PDSS2: variants seen among roughly 807,000 people sequenced by gnomAD.
PDSS2 encodes the protein all trans-polyprenyl-diphosphate synthase PDSS2.
PDSS2 carries 31 observed loss-of-function variants against 44.5 expected under a neutral mutation model. The ratio of observed to expected loss-of-function variants is 0.70; its 90% confidence interval spans 0.52 to 0.94. PDSS2 has a LOEUF of 0.94. PDSS2 is among the 40% of genes least tolerant of loss of function. The pLI, the probability that PDSS2 is intolerant of heterozygous loss-of-function variation, is 0.00. For synonymous variants in PDSS2, 157 were observed against 180.3 expected (o/e 0.87, Z 1.03); for missense variants, 452 against 482.2 (o/e 0.94, Z 0.59).
chr6:107,239,497 A>G (rs1774341892), intron 4 of PDSS2, among the ~76,000 whole-genome samples: 1 of 152,148 alleles, frequency 6.6e-6, no homozygotes, highest in Non-Finnish European at 1.5e-5. Flanking sequence ...TGGGAGAAAT[A>G]CAGAATAAAA....
At chr6:107,372,250 T>C (rs1484710169) in intron 1 of PDSS2, among the ~76,000 whole-genome samples, 2 of 152,128 alleles carry the variant, frequency 1.3e-5, no homozygotes, top group Non-Finnish European at 2.9e-5. Flanking sequence ...ACCCTGGTTT[T>C]TGGTTTCTCT....
At chr6:107,390,200 C>G (rs1173692062) in intron 1 of PDSS2, among the ~76,000 whole-genome samples, 3 of 152,104 alleles carry the variant, frequency 2.0e-5, no homozygotes, top group Non-Finnish European at 2.9e-5. Flanking sequence ...TTCCAAAGAA[C>G]AGAGGATGAG....
At chr6:107,255,949 C>G (rs1775004517) in intron 3 of PDSS2, among the ~76,000 whole-genome samples, 1 of 152,172 alleles carries the variant, frequency 6.6e-6, no homozygotes, top group African/African-American at 2.4e-5. Flanking sequence ...GCATTTCAAT[C>G]TTGTAGGCTT....
intron 3 of PDSS2, among the ~76,000 whole-genome samples, chr6:107,250,556 TG>T (rs956750997): frequency 2.9e-4 from 44 of 151,756 alleles, no homozygotes; most frequent in East Asian, 1.5e-3. Context: ...GGGAGGGTGT[TG>T]GGGGGGGAAG....
chr6:107,455,754 CAAAAAAAAAAA>C (rs60783838), intron 1 of PDSS2, among the ~76,000 whole-genome samples: 13 of 55,684 alleles, frequency 2.3e-4, no homozygotes, highest in South Asian at 2.3e-3. Flanking sequence ...GACTCTGTCT[CAAAAAAAAAAA>C]AAAAAAAAAA....
chr6:107,170,883 G>A (rs1771549915), intron 7 of PDSS2, among the ~76,000 whole-genome samples: 2 of 151,978 alleles, frequency 1.3e-5, no homozygotes, highest in African/African-American at 2.4e-5. Flanking sequence ...AAAGTGCTGG[G>A]ATTACAGGCA....
intron 1 of PDSS2, among the ~76,000 whole-genome samples, chr6:107,397,799 T>C (rs1198384681): frequency 1.3e-5 from 2 of 152,258 alleles, no homozygotes; most frequent in Admixed American, 6.5e-5. Context: ...TCAGCCACTA[T>C]AAACTTGACA....
intron 1 of PDSS2, among the ~76,000 whole-genome samples, chr6:107,371,242 T>C (rs1417741266): frequency 1.3e-5 from 2 of 152,042 alleles, no homozygotes; most frequent in Non-Finnish European, 2.9e-5. Context: ...GAGCTATTAC[T>C]GTAAAACATC....
At chr6:107,426,076 A>G (rs1183043580) in intron 1 of PDSS2, among the ~76,000 whole-genome samples, 1 of 152,176 alleles carries the variant, frequency 6.6e-6, no homozygotes, top group African/African-American at 2.4e-5. Context: ...AAATGTCTCC[A>G]GGACATGTCA....
chr6:107,384,647 C>CAAAAAAAA (rs199758672), intron 1 of PDSS2, among the ~76,000 whole-genome samples: 1 of 125,692 alleles, frequency 8.0e-6, no homozygotes, highest in African/African-American at 2.9e-5. Context: ...GTCTCAAAAC[C>CAAAAAAAA]AAAAAAAAAC....
intron 1 of PDSS2, among the ~76,000 whole-genome samples, chr6:107,367,784 T>C (rs1347767662): frequency 1.9e-5 from 2 of 103,902 alleles, no homozygotes; most frequent in African/African-American, 7.9e-5. Flanking sequence ...GCCTGGGCAA[T>C]AGAGTGGAAC....
At chr6:107,208,285 CTTTTT>C (rs1164014672) in intron 6 of PDSS2, among the ~76,000 whole-genome samples, 27 of 53,300 alleles carry the variant, frequency 5.1e-4, no homozygotes, top group East Asian at 5.0e-3. Context: ...CATGCCTGGC[CTTTTT>C]TTTTTTTTTT....
chr6:107,411,879 C>CTTTTTT (rs145161415), intron 1 of PDSS2, among the ~76,000 whole-genome samples: 18 of 93,848 alleles, frequency 1.9e-4, no homozygotes, highest in South Asian at 3.8e-4. Context: ...TCTTCTTCTT[C>CTTTTTT]TTTTTTTTTT....
chr6:107,341,299 T>A (rs1437838379), intron 1 of PDSS2, among the ~76,000 whole-genome samples: 1 of 152,110 alleles, frequency 6.6e-6, no homozygotes, highest in Non-Finnish European at 1.5e-5. Flanking sequence ...GAATGTAAGA[T>A]TCCAACCTGT....
At chr6:107,213,346 C>T (rs1773294523) in intron 4 of PDSS2, among the ~76,000 whole-genome samples, 1 of 150,704 alleles carries the variant, frequency 6.6e-6, no homozygotes. Context: ...GATGGGGTTT[C>T]ACCATGTTGG....
intron 1 of PDSS2, among the ~76,000 whole-genome samples, chr6:107,451,993 T>C (rs1781881817): frequency 6.6e-6 from 1 of 152,158 alleles, no homozygotes; most frequent in Non-Finnish European, 1.5e-5. Flanking sequence ...TTATAGGTTT[T>C]TCTTTTAGCC....
chr6:107,245,310 C>A (rs1450911414), intron 4 of PDSS2, among the ~76,000 whole-genome samples: 2 of 148,340 alleles, frequency 1.3e-5, no homozygotes, highest in African/African-American at 5.0e-5. Flanking sequence ...TGAGCTGCTG[C>A]AGATTGAACA....
At chr6:107,458,431 A>AAAAAAAAAAAAAAC in intron 1 of PDSS2, among the ~76,000 whole-genome samples, 1 of 147,254 alleles carries the variant, frequency 6.8e-6, no homozygotes, top group Admixed American at 6.9e-5. Flanking sequence ...AAAAAAAAAA[A>AAAAAAAAAAAAAAC]ACTTTTATAA....
intron 3 of PDSS2, among the ~76,000 whole-genome samples, chr6:107,272,747 T>C (rs909132764): frequency 8.6e-5 from 13 of 150,866 alleles, no homozygotes; most frequent in Admixed American, 5.3e-4. Flanking sequence ...CTTTGGGAGG[T>C]TGAGGTGGGA....
Sources: allele counts gnomAD v4.1 joint callset (sites outside exome capture counted in the v4.1 genomes callset), GRCh38; gene constraint gnomAD v4.1.1; transcripts MANE v1.5; gene names NCBI Gene and HGNC (gene_info 2026-07-23, HGNC 2026-07-21).